Variants in TBCD observed in about 807,000 individuals in gnomAD.
TBCD encodes the protein tubulin folding cofactor D.
Under a neutral mutation model 169.3 loss-of-function variants are expected in TBCD, and 105 were observed. The observed-to-expected ratio is 0.62, with a 90% CI of 0.53 to 0.73. The LOEUF (loss-of-function observed/expected upper bound fraction) is 0.73. Among genes scored for constraint, TBCD ranks in the 30% least tolerant of loss-of-function variants. The pLI, the probability that TBCD is intolerant of heterozygous loss-of-function variation, is 0.00. For synonymous variants in TBCD, 700 were observed against 643.9 expected (o/e 1.09, Z -1.32); for missense variants, 1,444 against 1,600.1 (o/e 0.90, Z 1.66).
chr17:82,913,070 G>T (rs76932724), intron 23 of TBCD: 1,530 of 152,400 alleles, frequency 0.01, 31 homozygotes, highest in African/African-American at 0.034. Context: ...TCACCTTTCC[G>T]ACGTACCCAT....
At chr17:82,821,190 G>A (rs554432392) in intron 13 of TBCD, among the ~76,000 whole-genome samples, 52 of 152,282 alleles carry the variant, frequency 3.4e-4, no homozygotes, top group African/African-American at 1.2e-3. Flanking sequence ...TGATCTTCCT[G>A]CCTTGGCCTG....
rs564709348 is a variant in TBCD, at chr17:82,921,429, CTGTTT to C, written c.2102-70_2102-66del. ...ACTTTAAGATTAGTATTAATAGAAG[CTGTTT>C]TTGCTGTTGTTTTTGATTTCATGGT... On this transcript the variant is annotated intron_variant, in intron 24 of 38. Transcript: ENST00000355528. 457 of 1,192,906 alleles carry C rather than the reference CTGTTT, an allele frequency of 3.8e-4. 4 individuals are homozygous for C. In the African/African-American group the frequency reaches 5.0e-3, roughly 13 times the overall value. 73.9% of individuals were successfully genotyped at this position (1,192,906 alleles called of 1,614,324 possible). A position where few individuals can be genotyped will look rare whatever the true frequency, so the allele number is the denominator to read the frequency against.
rs1555612128 is a variant in TBCD, at chr17:82,844,206, C to CGTGTGTGTGCGTGT, written c.1319-26009_1319-26008insCGTGTGTGTGTGTG. On this transcript the variant is annotated intron_variant, in intron 13 of 38. Transcript: ENST00000355528. ...TGGAGGAGTGGGGGTGGATGTTCTC[C>CGTGTGTGTGCGTGT]GTGTGTGTGTGTGTGTGTGTGTGTG... Among the ~76,000 whole-genome samples, 3 of 127,482 alleles carry CGTGTGTGTGCGTGT rather than the reference C, an allele frequency of 2.4e-5. No homozygotes were observed. In the East Asian group the frequency reaches 7.5e-4, roughly 32 times the overall value. 83.6% of individuals were successfully genotyped at this position (127,482 alleles called of 152,430 possible).
At chr17:82,882,712 A>G (rs9747095) in intron 14 of TBCD, among the ~76,000 whole-genome samples, 66,285 of 151,768 alleles carry the variant, frequency 0.44, 14,763 homozygotes, top group African/African-American at 0.53. Context: ...GGTCTGGGGC[A>G]ACAGACAGCG....
intron 6 of TBCD, among the ~76,000 whole-genome samples, chr17:82,777,237 A>G (rs1482400265): frequency 6.6e-6 from 1 of 152,176 alleles, no homozygotes; most frequent in African/African-American, 2.4e-5. Context: ...CTTTTGGTCT[A>G]CAGTAGAACC....
At chr17:82,939,165 C>G (rs1420339112) in intron 36 of TBCD, 3 of 608,346 alleles carry the variant, frequency 4.9e-6, no homozygotes, top group Non-Finnish European at 8.8e-6. Flanking sequence ...AGCTGTGTGT[C>G]TGTGGAGGGA....
chr17:82,925,143 T>A, intron 27 of TBCD, 86 bp downstream of exon 27: 2 of 1,059,056 alleles, frequency 1.9e-6, no homozygotes, highest in Non-Finnish European at 2.7e-6. Context: ...GCCCAGCCGT[T>A]AATAAACCCA....
chr17:82,894,030 A>G (rs920925946), intron 17 of TBCD, among the ~76,000 whole-genome samples: 4 of 54,104 alleles, frequency 7.4e-5, no homozygotes, highest in African/African-American at 2.5e-4. Flanking sequence ...ATGCTTCCCT[A>G]CTGGATGTCC....
At chr17:82,797,074 G>A (rs1443650423) in intron 7 of TBCD, among the ~76,000 whole-genome samples, 1 of 152,186 alleles carries the variant, frequency 6.6e-6, no homozygotes, top group Non-Finnish European at 1.5e-5. Context: ...AGGATTCTTC[G>A]ATTATGAGGC....
chr17:82,906,244 C>G (rs1476353347), intron 20 of TBCD, among the ~76,000 whole-genome samples, 191 bp downstream of exon 20: 1 of 152,192 alleles, frequency 6.6e-6, no homozygotes, highest in African/African-American at 2.4e-5. Context: ...GACGGTCATG[C>G]CGTGGGTGGA....
At chr17:82,881,986 C>T (rs1182480180) in intron 14 of TBCD, among the ~76,000 whole-genome samples, 1 of 152,130 alleles carries the variant, frequency 6.6e-6, no homozygotes, top group Non-Finnish European at 1.5e-5. Context: ...TCCCCAGAAC[C>T]CAGGCCCTCT....
In TBCD at chr17:82,945,909, A is replaced by C. The variant is rs986636153; in HGVS notation, c.*3446A>C. 2 of 152,236 alleles carry C rather than the reference A, an allele frequency of 1.3e-5. No homozygotes were observed. Among genetic ancestry groups the C allele is most frequent in the East Asian group, 3.8e-4 (2 of 5,204 alleles). The allele number at this position is 152,236 out of a possible 1,614,324, so 9.4% of individuals were successfully genotyped here. A position where few individuals can be genotyped will look rare whatever the true frequency, so the allele number is the denominator to read the frequency against. On this transcript the variant is annotated 3_prime_UTR_variant, in exon 39 of 39. Coordinates refer to ENST00000355528, the MANE Select transcript of TBCD (RefSeq NM_005993.5). The stretch of plus-strand genomic sequence containing the variant: ...GGAAGCAATAAACTGTGACCATAAA[A>C]ACATAGAAAGATGGCTTATATGTGG...
intron 13 of TBCD, among the ~76,000 whole-genome samples, chr17:82,857,630 G>A (rs747663233): frequency 7.2e-5 from 11 of 151,784 alleles, no homozygotes; most frequent in Non-Finnish European, 1.2e-4. Context: ...TTGAGATTCT[G>A]TATGGAGTAA....
chr17:82,816,813 C>T (rs1026714125), intron 13 of TBCD, among the ~76,000 whole-genome samples: 2 of 139,962 alleles, frequency 1.4e-5, no homozygotes, highest in Non-Finnish European at 1.5e-5. Flanking sequence ...GTGGGGAATA[C>T]AGGCGTGAGC....
At chr17:82,869,434 C>T (rs529840671) in intron 13 of TBCD, among the ~76,000 whole-genome samples, 4 of 152,154 alleles carry the variant, frequency 2.6e-5, no homozygotes, top group Non-Finnish European at 5.9e-5. Context: ...GAGGGAGGAT[C>T]GCTTGAGCCT....
chr17:82,860,656 G>C (rs995058552), intron 13 of TBCD, among the ~76,000 whole-genome samples: 4 of 152,164 alleles, frequency 2.6e-5, no homozygotes, highest in Non-Finnish European at 5.9e-5. Context: ...AGAGGGTCCT[G>C]GTGTCTTCTG....
chr17:82,830,484 T>TG, intron 13 of TBCD: 1 of 1,613,112 alleles, frequency 6.2e-7, no homozygotes, highest in Non-Finnish European at 8.5e-7. Context: ...GGCCTGTGGG[T>TG]GGGGCCCCGT....
intron 13 of TBCD, among the ~76,000 whole-genome samples, chr17:82,863,572 C>A (rs748015728): frequency 6.6e-6 from 1 of 152,146 alleles, no homozygotes; most frequent in African/African-American, 2.4e-5. Context: ...CCAGTGTGAG[C>A]GGGGAGGGTG....
At chr17:82,822,441 C>A (rs912010457) in intron 13 of TBCD, among the ~76,000 whole-genome samples, 4 of 152,154 alleles carry the variant, frequency 2.6e-5, no homozygotes, top group Non-Finnish European at 5.9e-5. Context: ...GTGAAGGAGC[C>A]GAGCAGGATG....
Sources: gnomAD v4.1 joint callset for allele counts (sites outside exome capture counted in the v4.1 genomes callset) on GRCh38, gnomAD v4.1.1 for gene constraint, MANE v1.5 for transcripts, NCBI Gene and HGNC (gene_info 2026-07-23, HGNC 2026-07-21) for gene names.